CYYR1: variants seen among roughly 807,000 people sequenced by gnomAD.
The protein encoded by CYYR1 is cysteine and tyrosine rich 1, also known as cysteine and tyrosine-rich protein 1.
CYYR1 carries 14 observed loss-of-function variants against 15.2 expected under a neutral mutation model. The ratio of observed to expected loss-of-function variants is 0.92; its 90% CI spans 0.61 to 1.44. CYYR1 has a LOEUF of 1.44. Ranked by LOEUF, CYYR1 falls within the 40% of genes most tolerant of loss-of-function variation. CYYR1 has a pLI of 0.00. For missense variants in CYYR1, 228 were observed against 209.5 expected (o/e 1.09, Z -0.54); for synonymous variants, 80 against 77.4 (o/e 1.03, Z -0.18).
chr21:26,507,097 G>C (rs1343910174), intron 2 of CYYR1, among the ~76,000 whole-genome samples: 1 of 152,128 alleles, frequency 6.6e-6, no homozygotes, highest in Non-Finnish European at 1.5e-5. Context: ...ATGCTCAAGG[G>C]TTCATTTTAT....
chr21:26,566,823 A>G (rs961424562), intron 1 of CYYR1, among the ~76,000 whole-genome samples: 1 of 152,138 alleles, frequency 6.6e-6, no homozygotes, highest in Non-Finnish European at 1.5e-5. Context: ...AGCCTGGCCA[A>G]CATGATAAAA....
chr21:26,472,014 A>C (rs1166937247), intron 3 of CYYR1, among the ~76,000 whole-genome samples: 1 of 152,210 alleles, frequency 6.6e-6, no homozygotes, highest in East Asian at 1.9e-4. Flanking sequence ...GGTGTTACCC[A>C]AACTATTCAC....
At chr21:26,557,315 T>C (rs1404507190) in intron 2 of CYYR1, among the ~76,000 whole-genome samples, 1 of 152,158 alleles carries the variant, frequency 6.6e-6, no homozygotes, top group Non-Finnish European at 1.5e-5. Flanking sequence ...CTAGATTATA[T>C]GAACAGATAT....
chr21:26,545,345 A>ACCT (rs1978885697), intron 2 of CYYR1, among the ~76,000 whole-genome samples: 3 of 151,854 alleles, frequency 2.0e-5, no homozygotes, highest in Admixed American at 6.6e-5. Flanking sequence ...CTCAGATGTC[A>ACCT]CCTCCTCAGG....
chr21:26,502,814 T>G (rs2065500237), intron 2 of CYYR1, among the ~76,000 whole-genome samples: 1 of 152,192 alleles, frequency 6.6e-6, no homozygotes, highest in South Asian at 2.1e-4. Context: ...AAAAAATCTC[T>G]TATCTTTCAT....
chr21:26,563,617 G>GAA (rs66524967), intron 2 of CYYR1, among the ~76,000 whole-genome samples: 1 of 151,842 alleles, frequency 6.6e-6, no homozygotes, highest in Non-Finnish European at 1.5e-5. Flanking sequence ...AGAGCAAACT[G>GAA]AAAAAAATAA....
chr21:26,509,274 A>G (rs2065613289), intron 2 of CYYR1, among the ~76,000 whole-genome samples: 1 of 152,110 alleles, frequency 6.6e-6, no homozygotes. Context: ...TTTTTCCTAG[A>G]ATGTATTTCT....
At chr21:26,511,612 T>C (rs2065649696) in intron 2 of CYYR1, among the ~76,000 whole-genome samples, 1 of 152,186 alleles carries the variant, frequency 6.6e-6, no homozygotes, top group South Asian at 2.1e-4. Context: ...GAAAGCACAA[T>C]GAATTTTATA....
intron 1 of CYYR1, among the ~76,000 whole-genome samples, 164 bp downstream of exon 1, chr21:26,572,704 G>A (rs778624200): frequency 1.3e-5 from 2 of 152,216 alleles, no homozygotes; most frequent in Non-Finnish European, 1.5e-5. Context: ...CGTGCGGCTG[G>A]AAGTGCGCGG....
At chr21:26,487,160 G>A (rs989045516) in intron 2 of CYYR1, among the ~76,000 whole-genome samples, 4 of 151,922 alleles carry the variant, frequency 2.6e-5, no homozygotes, top group Admixed American at 2.0e-4. Flanking sequence ...ATGGAAATAA[G>A]AGTTTGAAAT....
At chr21:26,558,234 G>T (rs924855497) in intron 2 of CYYR1, among the ~76,000 whole-genome samples, 1 of 152,048 alleles carries the variant, frequency 6.6e-6, no homozygotes, top group South Asian at 2.1e-4. Context: ...CTTTTCCATT[G>T]CCTTTTTTTA....
At chr21:26,572,422 A>G (rs367902762) in intron 1 of CYYR1, among the ~76,000 whole-genome samples, 3 of 152,222 alleles carry the variant, frequency 2.0e-5, no homozygotes, top group Non-Finnish European at 2.9e-5. Context: ...CTTCAGTCCA[A>G]TAGCTCAGTC....
chr21:26,478,735 A>G (rs1328896547), intron 3 of CYYR1, among the ~76,000 whole-genome samples: 2 of 152,142 alleles, frequency 1.3e-5, no homozygotes, highest in African/African-American at 4.8e-5. Flanking sequence ...GGATGTTATT[A>G]GAGTAAAGGA....
At chr21:26,541,894 T>A (rs561081227) in intron 2 of CYYR1, among the ~76,000 whole-genome samples, 3 of 152,024 alleles carry the variant, frequency 2.0e-5, no homozygotes, top group Non-Finnish European at 4.4e-5. Context: ...AGAGGTAAGC[T>A]AAAAAGCCAA....
chr21:26,526,497 C>CGGA (rs1237889886), intron 2 of CYYR1, among the ~76,000 whole-genome samples: 5 of 152,036 alleles, frequency 3.3e-5, no homozygotes, highest in African/African-American at 1.2e-4. Flanking sequence ...AACCATTTTA[C>CGGA]AAAAGTTCCA....
intron 3 of CYYR1, chr21:26,471,338 A>T (rs551807942): frequency 6.6e-6 from 1 of 152,294 alleles, no homozygotes; most frequent in Non-Finnish European, 1.5e-5. Context: ...ACTCTACATC[A>T]TTCTCTGTCA....
chr21:26,469,706 C>T (rs76254045), intron 3 of CYYR1, among the ~76,000 whole-genome samples: 9,732 of 152,096 alleles, frequency 0.064, 1,060 homozygotes, highest in African/African-American at 0.22. Flanking sequence ...TGGTATAGAA[C>T]ACTGGAACTT....
At chr21:26,533,695 T>G (rs925231739) in intron 2 of CYYR1, among the ~76,000 whole-genome samples, 1 of 152,148 alleles carries the variant, frequency 6.6e-6, no homozygotes, top group African/African-American at 2.4e-5. Flanking sequence ...CCCAGTCAAG[T>G]TGACACATAA....
intron 3 of CYYR1, among the ~76,000 whole-genome samples, chr21:26,469,865 T>C (rs2065013702): frequency 6.6e-6 from 1 of 152,156 alleles, no homozygotes; most frequent in Non-Finnish European, 1.5e-5. Context: ...TTTGTAGTGG[T>C]TTCAGTTCCT....
Sources: allele counts gnomAD v4.1 joint callset (sites outside exome capture counted in the v4.1 genomes callset), GRCh38; gene constraint gnomAD v4.1.1; transcripts MANE v1.5; gene names NCBI Gene and HGNC (gene_info 2026-07-23, HGNC 2026-07-21).